The following CATSPERE variants were observed in gnomAD, a reference collection of about 807,000 sequenced individuals.
CATSPERE encodes cation channel sperm-associated auxiliary subunit epsilon.
In CATSPERE, 93 loss-of-function variants were observed where a neutral mutation model predicts 114.1. The observed-to-expected ratio is 0.81, with a 90% confidence interval of 0.69 to 0.97. CATSPERE has a LOEUF of 0.97. CATSPERE is among the 50% of genes least tolerant of loss of function. The pLI, the probability that CATSPERE is intolerant of heterozygous loss-of-function variation, is 0.00. For missense variants in CATSPERE, 1,058 were observed against 1,131.6 expected, an observed-to-expected ratio of 0.93 and a Z score of 0.93; for synonymous variants, 341 against 384.1, an observed-to-expected ratio of 0.89 and a Z score of 1.31.
chr1:244,597,714 G>A (rs914547549), intron 17 of CATSPERE, among the ~76,000 whole-genome samples: 2 of 151,954 alleles, frequency 1.3e-5, no homozygotes, highest in Non-Finnish European at 2.9e-5. Flanking sequence ...TTTGAATAGC[G>A]GTTTAATGAC....
At chr1:244,526,527 G>T (rs1678634852) in intron 8 of CATSPERE, among the ~76,000 whole-genome samples, 1 of 152,100 alleles carries the variant, frequency 6.6e-6, no homozygotes, top group African/African-American at 2.4e-5. Context: ...AAAATATCTG[G>T]CTTTTCCAGC....
intron 2 of CATSPERE, among the ~76,000 whole-genome samples, chr1:244,473,668 AGTT>A (rs1366860769): frequency 6.6e-6 from 1 of 152,104 alleles, no homozygotes; most frequent in African/African-American, 2.4e-5. Context: ...GTATCTAAGA[AGTT>A]GTTGGCAAAC....
Position 244,518,582 on chromosome 1 carries a change from G to A in CATSPERE, c.430-10G>A. 5 of 1,456,972 alleles carry A rather than the reference G, an allele frequency of 3.4e-6. No individual in the cohort carries two copies. The highest frequency in any genetic ancestry group is 4.8e-6 in the Non-Finnish European group (5 of 1,042,020). 90.3% of individuals were successfully genotyped at this position (1,456,972 alleles called of 1,614,324 possible). On this transcript the variant is annotated splice_polypyrimidine_tract_variant and intron_variant, in intron 7 of 21. Coordinates refer to ENST00000366534, the MANE Select transcript of CATSPERE (RefSeq NM_001130957.2). ...AATAATAAAAAATGAAATTTAATTT[G>A]TTTTTACAGAATTCCATAGTACTCA...
chr1:244,585,297 C>T (rs1487292980), intron 13 of CATSPERE, among the ~76,000 whole-genome samples: 1 of 152,176 alleles, frequency 6.6e-6, no homozygotes, highest in Non-Finnish European at 1.5e-5. Context: ...AAAGCAATGC[C>T]TATTACATAG....
At chr1:244,477,138 G>A (rs894531445) in intron 2 of CATSPERE, among the ~76,000 whole-genome samples, 1 of 152,132 alleles carries the variant, frequency 6.6e-6, no homozygotes, top group Non-Finnish European at 1.5e-5. Flanking sequence ...AGGGATTACA[G>A]GCGCGTGCCA....
chr1:244,451,765 C>G (rs778431758), upstream of CATSPERE: 2 of 1,600,916 alleles, frequency 1.2e-6, no homozygotes, highest in Non-Finnish European at 1.7e-6. This position sits in a 1 kb window ranked among gnomAD's most constrained non-coding sequence, Gnocchi z 6.6. Flanking sequence ...GGGGCGGCCG[C>G]AATCGCCGTT....
intron 1 of CATSPERE, among the ~76,000 whole-genome samples, chr1:244,462,952 A>G (rs577731632): frequency 6.6e-6 from 1 of 152,284 alleles, no homozygotes; most frequent in South Asian, 2.1e-4. Flanking sequence ...AAGCAAATGG[A>G]AGGCGAAGGA....
intron 1 of CATSPERE, among the ~76,000 whole-genome samples, chr1:244,463,280 G>C: frequency 6.6e-6 from 1 of 151,930 alleles, no homozygotes; most frequent in Admixed American, 6.6e-5. Flanking sequence ...ATAGGAGGTG[G>C]CTTGTATTAT....
intron 8 of CATSPERE, among the ~76,000 whole-genome samples, chr1:244,528,785 C>CCACGCACGCGCGCACA (rs1553342506): frequency 7.7e-6 from 1 of 130,536 alleles, no homozygotes; most frequent in African/African-American, 3.0e-5. Flanking sequence ...CAATCCCCCA[C>CCACGCACGCGCGCACA]CACACACACA....
intron 8 of CATSPERE, among the ~76,000 whole-genome samples, chr1:244,540,206 G>A (rs1227052634): frequency 2.0e-5 from 3 of 151,056 alleles, no homozygotes; most frequent in Admixed American, 6.6e-5. Context: ...TGGGAAAAGA[G>A]GAAGTCAAAT....
intron 8 of CATSPERE, among the ~76,000 whole-genome samples, chr1:244,534,039 A>G (rs1388345590): frequency 6.6e-6 from 1 of 152,090 alleles, no homozygotes; most frequent in Admixed American, 6.6e-5. Flanking sequence ...TTACTATTCT[A>G]GGGTACAAGA....
intron 17 of CATSPERE, among the ~76,000 whole-genome samples, chr1:244,604,893 C>T (rs1669771818): frequency 6.6e-6 from 1 of 152,128 alleles, no homozygotes; most frequent in South Asian, 2.1e-4. Context: ...GTAAATAAGC[C>T]CAATGGGACC....
intron 6 of CATSPERE, among the ~76,000 whole-genome samples, chr1:244,492,415 C>T (rs1272456349): frequency 8.0e-5 from 12 of 150,460 alleles, no homozygotes; most frequent in African/African-American, 2.9e-4. Context: ...TAAAAACTCT[C>T]AATAAATTAG....
chr1:244,561,262 A>G (rs1178840255), intron 10 of CATSPERE, 117 bp downstream of exon 10: 4 of 697,976 alleles, frequency 5.7e-6, no homozygotes, highest in African/African-American at 5.3e-5. Flanking sequence ...CCAAAGGTGC[A>G]CTTCTTATCA....
intron 5 of CATSPERE, among the ~76,000 whole-genome samples, chr1:244,487,029 T>A (rs1244130107): frequency 6.6e-6 from 1 of 150,396 alleles, no homozygotes; most frequent in African/African-American, 2.5e-5. Flanking sequence ...GGGGTACTCG[T>A]GGGCCAGGTA....
chr1:244,523,609 T>G (rs1457604714), intron 8 of CATSPERE, among the ~76,000 whole-genome samples: 2 of 141,488 alleles, frequency 1.4e-5, no homozygotes, highest in African/African-American at 2.9e-5. Flanking sequence ...GCCCAAAATC[T>G]CCTTAAGCTG....
intron 2 of CATSPERE, among the ~76,000 whole-genome samples, chr1:244,474,639 G>C (rs1281775270): frequency 6.6e-6 from 1 of 151,082 alleles, no homozygotes; most frequent in Non-Finnish European, 1.5e-5. Context: ...AGGATCTCTG[G>C]ATATATGTAT....
At chr1:244,612,426 T>TG (rs11418030) in intron 19 of CATSPERE, among the ~76,000 whole-genome samples, 142,151 of 152,020 alleles carry the variant, frequency 0.94, 67,225 homozygotes, top group East Asian at 1. Context: ...GAAGAAGCTC[T>TG]GGGACTGTAA....
At chr1:244,493,192 A>G (rs1672514469) in intron 6 of CATSPERE, among the ~76,000 whole-genome samples, 1 of 152,204 alleles carries the variant, frequency 6.6e-6, no homozygotes, top group Non-Finnish European at 1.5e-5. Flanking sequence ...CTGACTTCAA[A>G]CTATATATAC....
Sources: allele counts gnomAD v4.1 joint callset (sites outside exome capture counted in the v4.1 genomes callset), GRCh38; gene constraint gnomAD v4.1.1; non-coding constraint Gnocchi (gnomAD v3.1); transcripts MANE v1.5; gene names NCBI Gene and HGNC (gene_info 2026-07-23, HGNC 2026-07-21).